Variants in CFAP69 observed in about 807,000 individuals in gnomAD.
The protein encoded by CFAP69 is cilia- and flagella-associated protein 69.
Under a neutral mutation model 123.0 loss-of-function variants are expected in CFAP69, and 92 were observed. The observed-to-expected ratio is 0.75, with a 90% CI of 0.63 to 0.89. The LOEUF is 0.89. Among genes scored for constraint, CFAP69 ranks in the 40% least tolerant of loss-of-function variants. The pLI is 0.00. For synonymous variants in CFAP69, 380 were observed against 364.3 expected (o/e 1.04, Z -0.49); for missense variants, 1,067 against 1,096.9 (o/e 0.97, Z 0.39).
At chr7:90,279,224 CTT>C (rs921621221) in intron 11 of CFAP69, among the ~76,000 whole-genome samples, 2 of 151,910 alleles carry the variant, frequency 1.3e-5, no homozygotes, top group Non-Finnish European at 2.9e-5. Flanking sequence ...AGACAAAATT[CTT>C]TTTTATGGTA....
At chr7:90,294,142 T>C (rs1791591459) in intron 15 of CFAP69, among the ~76,000 whole-genome samples, 1 of 152,188 alleles carries the variant, frequency 6.6e-6, no homozygotes, top group African/African-American at 2.4e-5. Flanking sequence ...GCATGGCTAA[T>C]TTCACATGTC....
At chr7:90,295,765 G>A (rs543726708) in intron 15 of CFAP69, among the ~76,000 whole-genome samples, 3 of 152,288 alleles carry the variant, frequency 2.0e-5, no homozygotes, top group African/African-American at 7.2e-5. Context: ...GCAGCCCTAA[G>A]GACTGCTGGT....
At chr7:90,304,556 G>A (rs1361990089) in intron 18 of CFAP69, 188 bp from the exon 19 acceptor site, 2 of 1,369,012 alleles carry the variant, frequency 1.5e-6, no homozygotes, top group Non-Finnish European at 1.9e-6. Context: ...GTTATAGAAA[G>A]AAGCCTACTC....
intron 1 of CFAP69, among the ~76,000 whole-genome samples, chr7:90,254,152 C>T (rs1224039260): frequency 1.3e-5 from 2 of 152,082 alleles, no homozygotes; most frequent in Non-Finnish European, 2.9e-5. Context: ...GCTGTGAATG[C>T]AGGGACTTAT....
intron 12 of CFAP69, among the ~76,000 whole-genome samples, chr7:90,282,406 A>G (rs1450374535): frequency 6.6e-6 from 1 of 152,154 alleles, no homozygotes; most frequent in African/African-American, 2.4e-5. Context: ...ACCTTGGAAA[A>G]CAATTTAGCA....
chr7:90,275,590 C>CTTTTTTTTTT (rs57578763), intron 9 of CFAP69, among the ~76,000 whole-genome samples: 1 of 62,040 alleles, frequency 1.6e-5, no homozygotes, highest in Non-Finnish European at 2.8e-5. Context: ...GGCCAAAAGC[C>CTTTTTTTTTT]TTTTTTTTTT....
At chr7:90,306,444 G>A (rs1260684232) in intron 19 of CFAP69, among the ~76,000 whole-genome samples, 1 of 152,198 alleles carries the variant, frequency 6.6e-6, no homozygotes, top group Non-Finnish European at 1.5e-5. Context: ...GTGAGGGGCA[G>A]GGCCCCTTTC....
intron 4 of CFAP69, among the ~76,000 whole-genome samples, chr7:90,262,761 G>A (rs1289981278): frequency 1.3e-5 from 2 of 151,710 alleles, no homozygotes; most frequent in East Asian, 3.9e-4. Context: ...TTTTTAGATA[G>A]CAATTATTTA....
In CFAP69 at chr7:90,309,246, A is replaced by G. The variant is rs1017613821; in HGVS notation, c.2551-17A>G. 29 of 1,222,250 alleles carry G rather than the reference A, an allele frequency of 2.4e-5. No individual in the cohort carries two copies. Among genetic ancestry groups the G allele is most frequent in the Middle Eastern group, 2.0e-4 (1 of 5,092 alleles). The allele number at this position is 1,222,250 out of a possible 1,614,324, so 75.7% of individuals were successfully genotyped here. A position where few individuals can be genotyped will look rare whatever the true frequency, so the allele number is the denominator to read the frequency against. ...TAATAGCAATTAATATTTTCTTTCT[A>G]ATTTAAAAATCCTCAGAAAGCAAAA... On this transcript the variant is annotated splice_polypyrimidine_tract_variant and intron_variant, in intron 21 of 22. Transcript: ENST00000389297.
intron 3 of CFAP69, among the ~76,000 whole-genome samples, chr7:90,261,348 C>T (rs972100246): frequency 3.9e-5 from 6 of 152,040 alleles, no homozygotes; most frequent in African/African-American, 9.7e-5. Flanking sequence ...GCTGGGATTA[C>T]AGGCGTGAGC....
At chr7:90,306,160 C>T (rs1052802588) in intron 19 of CFAP69, among the ~76,000 whole-genome samples, 16 of 151,848 alleles carry the variant, frequency 1.1e-4, no homozygotes, top group African/African-American at 3.6e-4. Context: ...CTGTGTTGCT[C>T]AGGCTGCCTT....
At chr7:90,260,299 G>A (rs1349638521) in intron 3 of CFAP69, among the ~76,000 whole-genome samples, 1 of 152,044 alleles carries the variant, frequency 6.6e-6, no homozygotes, top group Non-Finnish European at 1.5e-5. Flanking sequence ...TCTGAGGCAG[G>A]AGGATCATTT....
At chr7:90,249,785 C>T (rs1796751231) in intron 1 of CFAP69, among the ~76,000 whole-genome samples, 1 of 152,166 alleles carries the variant, frequency 6.6e-6, no homozygotes, top group Non-Finnish European at 1.5e-5. Context: ...TGAACCCCAG[C>T]ACTCCGCTTT....
chr7:90,258,004 T>C, intron 2 of CFAP69, 94 bp from the exon 3 acceptor site: 2 of 757,308 alleles, frequency 2.6e-6, no homozygotes, highest in East Asian at 2.8e-5. Context: ...AATTACTTGA[T>C]AATTTTAAAG....
chr7:90,277,963 T>A (rs1191277840), intron 11 of CFAP69, among the ~76,000 whole-genome samples: 1 of 152,136 alleles, frequency 6.6e-6, no homozygotes, highest in African/African-American at 2.4e-5. Flanking sequence ...GCTTCAGCTC[T>A]GCTCACAGGT....
chr7:90,311,609 C>G (rs1443726279), downstream of CFAP69, among the ~76,000 whole-genome samples: 1 of 152,150 alleles, frequency 6.6e-6, no homozygotes, highest in Admixed American at 6.5e-5. Flanking sequence ...CTTTCCTCCT[C>G]CTCCTCTTCC....
chr7:90,265,462 A>G, intron 5 of CFAP69, 85 bp downstream of exon 5: 3 of 826,902 alleles, frequency 3.6e-6, no homozygotes, highest in East Asian at 2.6e-5. Context: ...CCCAAGTTTC[A>G]CTAAGAGGAC....
At chr7:90,319,500 C>T in the CFAP69 span, 1 of 398,536 alleles carries the variant, frequency 2.5e-6, no homozygotes, top group East Asian at 3.6e-5. Flanking sequence ...AATGTCCAGG[C>T]CGCTGAGATT....
the CFAP69 span, chr7:90,317,489 C>G: frequency 6.6e-6 from 1 of 151,700 alleles, no homozygotes. Context: ...AGTTTTCAAT[C>G]TAGGAAATTA....
Sources: gnomAD v4.1 joint callset for allele counts (sites outside exome capture counted in the v4.1 genomes callset) on GRCh38, gnomAD v4.1.1 for gene constraint, MANE v1.5 for transcripts, NCBI Gene and HGNC (gene_info 2026-07-23, HGNC 2026-07-21) for gene names.